Variants in RIMS2 observed in about 807,000 individuals in gnomAD.
The protein encoded by RIMS2 is regulating synaptic membrane exocytosis 2, also known as regulating synaptic membrane exocytosis protein 2.
A neutral mutation model predicts 174.4 loss-of-function variants in RIMS2; 59 were observed. That is an observed-to-expected ratio of 0.34 (90% confidence interval 0.27 to 0.42). RIMS2 has a LOEUF of 0.42. RIMS2 is among the 10% of genes least tolerant of loss of function. The pLI, the probability that RIMS2 is intolerant of heterozygous loss-of-function variation, is 1.00. For synonymous variants in RIMS2, 606 were observed against 572.5 expected, an observed-to-expected ratio of 1.06 and a Z score of -0.84; for missense variants, 1,620 against 1,666.3, an observed-to-expected ratio of 0.97 and a Z score of 0.48.
At chr8:104,041,221 A>G in intron 19 of RIMS2, 105 bp from the exon 22 acceptor site, 1 of 496,712 alleles carries the variant, frequency 2.0e-6, no homozygotes. Context: ...CTTTCTCAAA[A>G]TGATCTGAGG....
chr8:103,633,987 T>C (rs2096010920), intron 1 of RIMS2, among the ~76,000 whole-genome samples: 1 of 152,216 alleles, frequency 6.6e-6, no homozygotes, highest in South Asian at 2.1e-4. Flanking sequence ...TTTGTTGATC[T>C]TTTGAATAAT....
intron 4 of RIMS2, among the ~76,000 whole-genome samples, chr8:103,887,477 T>C (rs2099210888): frequency 6.6e-6 from 1 of 151,630 alleles, no homozygotes; most frequent in Admixed American, 6.6e-5. Context: ...TCCAAATCAA[T>C]TAAGTATTTA....
intron 2 of RIMS2, among the ~76,000 whole-genome samples, chr8:103,734,799 A>G (rs1354463345): frequency 3.3e-5 from 5 of 152,110 alleles, no homozygotes; most frequent in African/African-American, 1.2e-4. Context: ...TTTTTGGTCA[A>G]GGGTTTCTCT....
At chr8:104,217,314 G>A (rs1405890337) in intron 19 of RIMS2, among the ~76,000 whole-genome samples, 2 of 151,838 alleles carry the variant, frequency 1.3e-5, no homozygotes, top group Non-Finnish European at 2.9e-5. Flanking sequence ...TGTTACCCAG[G>A]CTGGAGTGCA....
At chr8:103,745,620 C>T (rs897349197) in intron 2 of RIMS2, among the ~76,000 whole-genome samples, 1 of 152,168 alleles carries the variant, frequency 6.6e-6, no homozygotes, top group Non-Finnish European at 1.5e-5. Flanking sequence ...CACATCTTCA[C>T]CAACACTTAT....
In RIMS2 at chr8:103,756,979, CTGTGTGTG is replaced by C. The variant is rs71575983; in HGVS notation, c.388-9223_388-9216del. Among the ~76,000 whole-genome samples the C allele has an allele frequency of 1.0e-3, 135 of 135,040 alleles. 1 individual carries two copies. The South Asian group carries it at 0.013, about 13-fold the overall frequency. The allele number at this position is 135,040 out of a possible 152,430, so 88.6% of individuals were successfully genotyped here. ...TCCTTTCTCGTATGTGTGTGTGTGT[CTGTGTGTG>C]TGTGTGTGTGTGTGTGTGTGTGTGA... On this transcript the variant is annotated intron_variant, in intron 2 of 23. Coordinates refer to ENST00000504942, the Ensembl canonical transcript of RIMS2.
intron 19 of RIMS2, among the ~76,000 whole-genome samples, chr8:104,100,268 T>C (rs1042536517): frequency 3.3e-5 from 5 of 152,196 alleles, no homozygotes; most frequent in African/African-American, 1.2e-4. Flanking sequence ...ATTGCTAGTG[T>C]ATAGAAATAC....
chr8:103,617,906 G>A (rs2095543686), intron 1 of RIMS2, among the ~76,000 whole-genome samples: 1 of 152,254 alleles, frequency 6.6e-6, no homozygotes, highest in East Asian at 1.9e-4. Context: ...AGTGTTGGTG[G>A]GAGTGTAAAT....
intron 1 of RIMS2, among the ~76,000 whole-genome samples, chr8:103,548,827 G>A (rs1298626224): frequency 6.6e-6 from 1 of 151,864 alleles, no homozygotes; most frequent in Non-Finnish European, 1.5e-5. Flanking sequence ...AAAGTTTTAG[G>A]GTACCAAATC....
intron 1 of RIMS2, among the ~76,000 whole-genome samples, chr8:103,608,822 G>A (rs902167724): frequency 3.9e-4 from 60 of 152,216 alleles, no homozygotes; most frequent in African/African-American, 1.4e-3. Context: ...CACTTCCCAA[G>A]TGAGGCAATG....
chr8:103,559,445 AG>A, intron 1 of RIMS2: 1 of 347,376 alleles, frequency 2.9e-6, no homozygotes, highest in South Asian at 2.4e-5. Flanking sequence ...GAGAGAGTTC[AG>A]GGACTCTGGT....
intron 19 of RIMS2, among the ~76,000 whole-genome samples, chr8:104,216,319 C>G (rs932566785): frequency 6.6e-6 from 1 of 152,162 alleles, no homozygotes; most frequent in Non-Finnish European, 1.5e-5. Flanking sequence ...GCCAGGAAAT[C>G]GAGACCAGCC....
At chr8:104,250,232 T>G (rs1257738840) in intron 22 of RIMS2, among the ~76,000 whole-genome samples, 1 of 152,218 alleles carries the variant, frequency 6.6e-6, no homozygotes. Context: ...ATTCTGAAAC[T>G]TGATTTCTAG....
At chr8:103,885,169 G>C in intron 3 of RIMS2, 129 bp from the exon 7 acceptor site, 1 of 1,294,864 alleles carries the variant, frequency 7.7e-7, no homozygotes, top group Non-Finnish European at 1.0e-6. Flanking sequence ...GTTACGCTAT[G>C]CCTTTAAAAT....
intron 15 of RIMS2, among the ~76,000 whole-genome samples, chr8:103,963,690 C>G (rs2090936572): frequency 1.3e-5 from 2 of 152,076 alleles, no homozygotes; most frequent in African/African-American, 4.8e-5. Flanking sequence ...ACTGATGAAC[C>G]TACTTTGACA....
intron 1 of RIMS2, among the ~76,000 whole-genome samples, chr8:103,611,036 C>A (rs1033159020): frequency 6.6e-6 from 1 of 152,098 alleles, no homozygotes; most frequent in African/African-American, 2.4e-5. Flanking sequence ...TCAATTTCTT[C>A]CTGGTTCAGT....
At chr8:103,799,121 A>G (rs976466015) in intron 3 of RIMS2, among the ~76,000 whole-genome samples, 2 of 152,096 alleles carry the variant, frequency 1.3e-5, no homozygotes, top group East Asian at 3.9e-4. Flanking sequence ...TACAACCACA[A>G]CGTGAATTCT....
At chr8:104,001,804 G>A (rs373280359) in intron 17 of RIMS2, among the ~76,000 whole-genome samples, 57 of 151,896 alleles carry the variant, frequency 3.8e-4, no homozygotes, top group African/African-American at 1.2e-3. Context: ...GTAATGTTTC[G>A]TGATTGTTAT....
chr8:103,676,808 C>T (rs1351306713), intron 1 of RIMS2, among the ~76,000 whole-genome samples: 2 of 151,940 alleles, frequency 1.3e-5, no homozygotes, highest in Middle Eastern at 3.2e-3. Flanking sequence ...CATGGTGAAA[C>T]ACTGTCTCTA....
Sources: allele counts gnomAD v4.1 joint callset (sites outside exome capture counted in the v4.1 genomes callset), GRCh38; gene constraint gnomAD v4.1.1; transcripts MANE v1.5; gene names NCBI Gene and HGNC (gene_info 2026-07-23, HGNC 2026-07-21).